The following BTBD9 variants were observed in gnomAD, a reference collection of about 807,000 sequenced individuals.
The protein encoded by BTBD9 is BTB/POZ domain-containing protein 9.
A neutral mutation model predicts 64.3 loss-of-function variants in BTBD9; 49 were observed. The ratio of observed to expected loss-of-function variants is 0.76; its 90% CI spans 0.61 to 0.97. The LOEUF is 0.97. BTBD9 is among the 50% of genes least tolerant of loss of function. The pLI is 0.00. For missense variants in BTBD9, 598 were observed against 762.1 expected (o/e 0.78, Z 2.53); for synonymous variants, 260 against 274.7 (o/e 0.95, Z 0.53).
At chr6:38,521,324 T>C (rs1034918444) in intron 6 of BTBD9, among the ~76,000 whole-genome samples, 2 of 152,174 alleles carry the variant, frequency 1.3e-5, no homozygotes, top group Non-Finnish European at 2.9e-5. Flanking sequence ...TATATAAACA[T>C]TTAAAACAGT....
rs917273693 is a variant in BTBD9 at position 38,498,184 on chromosome 6, G to A, written c.1154+79416C>T. 5.3e-5 allele frequency among the ~76,000 whole-genome samples: 8 copies of A among 152,254 alleles called. No homozygotes were observed. In the South Asian group the frequency reaches 1.0e-3, roughly 20 times the overall value. On this transcript the variant is annotated intron_variant, in intron 6 of 10. Transcript: ENST00000481247. The stretch of plus-strand genomic sequence containing the variant: ...TACTGTACAAATTCAGCTGCCTGAC[G>A]CACCTGTCTATAATATCTAAAACCA...
At chr6:38,600,359 C>T (rs1452799171) in intron 1 of BTBD9, among the ~76,000 whole-genome samples, 1 of 152,178 alleles carries the variant, frequency 6.6e-6, no homozygotes, top group African/African-American at 2.4e-5. Context: ...CCTGGCCTAC[C>T]CCGTGATCAA....
At chr6:38,179,623 C>CCTCTGTGCAGGGGCCT (rs1761451031) in intron 10 of BTBD9, 2 of 456,768 alleles carry the variant, frequency 4.4e-6, no homozygotes, top group Non-Finnish European at 8.8e-6. Context: ...GGCAGAGGCA[C>CCTCTGTGCAGGGGCCT]CTCTGTGCAG....
chr6:38,564,113 T>C (rs1006648955), intron 6 of BTBD9, among the ~76,000 whole-genome samples: 1 of 152,100 alleles, frequency 6.6e-6, no homozygotes, highest in African/African-American at 2.4e-5. Context: ...ATCACTTAGG[T>C]CTCAAAGATC....
chr6:38,545,127 T>G (rs1774473892), intron 6 of BTBD9, among the ~76,000 whole-genome samples: 1 of 151,848 alleles, frequency 6.6e-6, no homozygotes, highest in South Asian at 2.1e-4. Context: ...AGTCTTGCAC[T>G]GTCTCCCAGG....
At chr6:38,433,336 C>A (rs1223606360) in intron 6 of BTBD9, among the ~76,000 whole-genome samples, 2 of 152,054 alleles carry the variant, frequency 1.3e-5, no homozygotes, top group South Asian at 2.1e-4. Flanking sequence ...CCTAACTAAG[C>A]CATCATATCC....
At chr6:38,408,535 C>G (rs1767271578) in intron 6 of BTBD9, among the ~76,000 whole-genome samples, 1 of 152,140 alleles carries the variant, frequency 6.6e-6, no homozygotes, top group African/African-American at 2.4e-5. Context: ...TGAAATAATT[C>G]CAAGACTGCC....
intron 1 of BTBD9, among the ~76,000 whole-genome samples, chr6:38,639,506 G>A (rs1333578048): frequency 1.3e-5 from 2 of 152,176 alleles, no homozygotes; most frequent in African/African-American, 4.8e-5. Context: ...GGGAACCTGG[G>A]CTGCCCCTGA....
At chr6:38,471,088 A>G (rs1355775013) in intron 6 of BTBD9, among the ~76,000 whole-genome samples, 1 of 152,246 alleles carries the variant, frequency 6.6e-6, no homozygotes, top group Non-Finnish European at 1.5e-5. Flanking sequence ...TTACCATAGC[A>G]TCACTATTTT....
chr6:38,331,208 G>T (rs1264459325), intron 7 of BTBD9, among the ~76,000 whole-genome samples: 2 of 152,220 alleles, frequency 1.3e-5, no homozygotes, highest in African/African-American at 4.8e-5. Flanking sequence ...GGCCAGGCGT[G>T]GTGGCTTATA....
At position 38,357,209 on chromosome 6, in the gene BTBD9, G is replaced by C. The variant is rs916728425; in HGVS notation, c.1155-12116C>G. Among the ~76,000 whole-genome samples the C allele has an allele frequency of 5.9e-5, 9 of 152,226 alleles. No homozygotes were observed. In the East Asian group the frequency reaches 1.7e-3, roughly 29 times the overall value. On this transcript the variant is annotated intron_variant, in intron 6 of 10. Transcript: ENST00000481247. ...ATGTAGTTAACCAATCTTCCTCACA[G>C]TAGCCCTTCCCTACCCACTTCATTC...
intron 6 of BTBD9, among the ~76,000 whole-genome samples, chr6:38,415,800 A>G (rs576217720): frequency 2.6e-5 from 4 of 151,966 alleles, no homozygotes; most frequent in Middle Eastern, 3.4e-3. Flanking sequence ...ACTCTCATCT[A>G]TCTCCATTCC....
intron 1 of BTBD9, among the ~76,000 whole-genome samples, chr6:38,608,016 T>A (rs1446914691): frequency 1.3e-5 from 2 of 152,144 alleles, no homozygotes; most frequent in African/African-American, 4.8e-5. Flanking sequence ...TCAGAAAGGA[T>A]CAGGTACAAA....
At chr6:38,215,176 T>A (rs1378583525) in intron 9 of BTBD9, among the ~76,000 whole-genome samples, 1 of 152,190 alleles carries the variant, frequency 6.6e-6, no homozygotes, top group Non-Finnish European at 1.5e-5. Context: ...AAGCCAGCAG[T>A]GAACGTGTGC....
At chr6:38,191,903 A>G (rs189569599) in intron 10 of BTBD9, among the ~76,000 whole-genome samples, 15 of 152,238 alleles carry the variant, frequency 9.9e-5, no homozygotes, top group Admixed American at 9.2e-4. Context: ...AGAGCATTAA[A>G]CCTCAAGCAC....
rs1353687918 is a variant in BTBD9, at chr6:38,366,355, C to A, written c.1155-21262G>T. On this transcript the variant is annotated intron_variant, in intron 6 of 10. Coordinates refer to ENST00000481247, the MANE Select transcript of BTBD9 (RefSeq NM_001099272.2). ...CCTCTAGCTTCCTTTCAAGGAAAATCTTTTCTTGTCTATAGATTAATTCTG... is the reference window on the plus strand; with the variant it reads ...CCTCTAGCTTCCTTTCAAGGAAAATATTTTCTTGTCTATAGATTAATTCTG... 5.3e-5 allele frequency among the ~76,000 whole-genome samples: 8 copies of A among 152,148 alleles called. No homozygotes were observed. In the East Asian group the frequency reaches 1.5e-3, roughly 29 times the overall value.
chr6:38,284,133 T>G (rs1180712877), intron 8 of BTBD9, among the ~76,000 whole-genome samples: 2 of 152,094 alleles, frequency 1.3e-5, no homozygotes, highest in African/African-American at 4.8e-5. Context: ...GAGACGTGTC[T>G]CTTTGAAGGC....
chr6:38,488,729 T>C (rs762696430), intron 6 of BTBD9, among the ~76,000 whole-genome samples: 26 of 152,198 alleles, frequency 1.7e-4, no homozygotes, highest in Non-Finnish European at 3.4e-4. Context: ...TAATGTTTCT[T>C]TTTTTATAAT....
chr6:38,610,918 G>A (rs796899331), intron 1 of BTBD9, among the ~76,000 whole-genome samples: 2 of 149,440 alleles, frequency 1.3e-5, no homozygotes, highest in Admixed American at 1.3e-4. Flanking sequence ...AAACCGGGGT[G>A]GGGGGGGGAC....
Sources: allele counts gnomAD v4.1 joint callset (sites outside exome capture counted in the v4.1 genomes callset), GRCh38; gene constraint gnomAD v4.1.1; transcripts MANE v1.5; gene names NCBI Gene and HGNC (gene_info 2026-07-23, HGNC 2026-07-21).